The following GLDC variants were observed in gnomAD, a reference collection of about 807,000 sequenced individuals.
The protein encoded by GLDC is glycine decarboxylase, also known as glycine dehydrogenase (decarboxylating), mitochondrial.
In GLDC, 104 loss-of-function variants were observed where a neutral mutation model predicts 121.3. The ratio of observed to expected loss-of-function variants is 0.86; its 90% CI spans 0.73 to 1.01. GLDC has a LOEUF of 1.01. Among genes scored for constraint, GLDC ranks in the 50% least tolerant of loss-of-function variants. The pLI is 0.00. For synonymous variants in GLDC, 546 were observed against 480.6 expected, an observed-to-expected ratio of 1.14 and a Z score of -1.78; for missense variants, 1,429 against 1,306.6, an observed-to-expected ratio of 1.09 and a Z score of -1.44.
At chr9:6,556,869 G>T (rs748586251) in intron 17 of GLDC, among the ~76,000 whole-genome samples, 2 of 152,024 alleles carry the variant, frequency 1.3e-5, no homozygotes, top group African/African-American at 4.8e-5. Context: ...CAGACCAAAA[G>T]GACTATTCAC....
chr9:6,565,818 T>C (rs1290612018), intron 15 of GLDC: 1 of 437,540 alleles, frequency 2.3e-6, no homozygotes. Flanking sequence ...TTACGGTCAA[T>C]CTTGTTTCCT....
chr9:6,558,161 T>C, intron 17 of GLDC: 1 of 335,756 alleles, frequency 3.0e-6, no homozygotes. Flanking sequence ...GAATTCAGCA[T>C]GATGGGGCTG....
At position 6,586,343 on chromosome 9, in the gene GLDC, AC is replaced by A. The variant is rs1035438246; in HGVS notation, c.1850+797del. On this transcript the variant is annotated intron_variant, in intron 15 of 24. Transcript: ENST00000321612. Reference sequence around the variant, plus strand: ...AATAAAAATAAAGAGTCTTAGTCTCACCCCCTGGAGGTTATGATCAGTGCGT... The same window carrying A: ...AATAAAAATAAAGAGTCTTAGTCTCACCCCTGGAGGTTATGATCAGTGCGT... Among the ~76,000 whole-genome samples, 10 of 152,248 alleles carry A rather than the reference AC, an allele frequency of 6.6e-5. No homozygotes were observed. The South Asian group carries it at 1.5e-3, about 22-fold the overall frequency.
chr9:6,632,341 GAA>G (rs1156331662), intron 2 of GLDC, among the ~76,000 whole-genome samples: 1 of 152,194 alleles, frequency 6.6e-6, no homozygotes, highest in Non-Finnish European at 1.5e-5. Context: ...CAGCTATTAA[GAA>G]AGTTGTATAA....
intron 2 of GLDC, among the ~76,000 whole-genome samples, chr9:6,623,828 T>C (rs1476165516): frequency 6.6e-6 from 1 of 152,154 alleles, no homozygotes; most frequent in Admixed American, 6.5e-5. Flanking sequence ...GGAACAATCA[T>C]GCAAAAAGTC....
rs564908367 is a variant in GLDC, at chr9:6,539,922, G to T, written c.2665+129C>A. 69 of 739,072 alleles carry T rather than the reference G, an allele frequency of 9.3e-5. No homozygotes were observed. In the African/African-American group the frequency reaches 1.0e-3, roughly 11 times the overall value. 45.8% of individuals were successfully genotyped at this position (739,072 alleles called of 1,614,324 possible). The stretch of plus-strand genomic sequence containing the variant: ...TTTTTTCTCTATTATTTTGGAGGTT[G>T]CCAAGAACCCTGAGCTCCCCATTTA... On this transcript the variant is annotated intron_variant, in intron 22 of 24. Transcript: ENST00000321612.
intron 2 of GLDC, among the ~76,000 whole-genome samples, chr9:6,635,332 C>G (rs562821904): frequency 6.6e-6 from 1 of 152,198 alleles, no homozygotes; most frequent in Admixed American, 6.5e-5. Context: ...CCTTAATAAC[C>G]CACTGATAAC....
intron 2 of GLDC, among the ~76,000 whole-genome samples, chr9:6,634,360 C>T (rs1203983749): frequency 6.6e-6 from 1 of 152,026 alleles, no homozygotes; most frequent in African/African-American, 2.4e-5. Context: ...GAAACTCCAT[C>T]TCTACAAAAA....
In GLDC at chr9:6,580,325, T is replaced by C. The variant is rs769086173; in HGVS notation, c.1850+6816A>G. The stretch of plus-strand genomic sequence containing the variant: ...GTTACCTTATAACAGAGTCCACAGT[T>C]GCAAGTCATGTAGTCTGGGAATGTG... On this transcript the variant is annotated intron_variant, in intron 15 of 24. Coordinates refer to ENST00000321612, the MANE Select transcript of GLDC (RefSeq NM_000170.3). 1.1e-3 allele frequency among the ~76,000 whole-genome samples: 160 copies of C among 152,274 alleles called. 15 individuals carry two copies. The highest frequency in any genetic ancestry group is 2.1e-4 in the Non-Finnish European group (14 of 68,022).
intron 18 of GLDC, among the ~76,000 whole-genome samples, chr9:6,555,396 T>C (rs1056058427): frequency 6.6e-6 from 1 of 152,114 alleles, no homozygotes; most frequent in Non-Finnish European, 1.5e-5. Flanking sequence ...AATTCATTTA[T>C]GCTACAGAAC....
At position 6,534,320 on chromosome 9, in the gene GLDC, T is replaced by G. The variant is rs575159288; in HGVS notation, c.2919+388A>C. On this transcript the variant is annotated intron_variant, in intron 24 of 24. Transcript: ENST00000321612. ...ATCCATAAACAGCACATAGCATAAT[T>G]TGGCACATTTTTAGCCTTCTCCCTA... is the stretch of plus-strand genomic sequence containing the variant. 5 of 278,712 alleles carry G rather than the reference T, an allele frequency of 1.8e-5. No individual in the cohort carries two copies. The South Asian group carries it at 2.2e-4, about 12-fold the overall frequency. 17.3% of individuals were successfully genotyped at this position (278,712 alleles called of 1,614,324 possible).
intron 4 of GLDC, among the ~76,000 whole-genome samples, chr9:6,608,756 A>T (rs1818790349): frequency 6.6e-6 from 1 of 151,782 alleles, no homozygotes. Flanking sequence ...AAATAAATAA[A>T]TAAATTAATA....
chr9:6,558,590 C>CCAT lies in GLDC; in HGVS notation c.2018_2020dup (p.Tyr673_Gly674insAsp), dbSNP rs1817683581. On this transcript the variant is annotated inframe_insertion, in exon 17 of 25. Coordinates refer to ENST00000321612, the MANE Select transcript of GLDC (RefSeq NM_000170.3). ...CTTGAGGTGAACTGCATCGATATTCCCATATTTATCCACCTCCACAGGCTG... is the reference window on the plus strand; with the variant it reads ...CTTGAGGTGAACTGCATCGATATTCCCATCATATTTATCCACCTCCACAGGCTG... 1.2e-6 allele frequency: 2 copies of CCAT among 1,614,040 alleles called. No homozygotes were observed. Among genetic ancestry groups the CCAT allele is most frequent in the Non-Finnish European group, 8.5e-7 (1 of 1,180,024 alleles).
At chr9:6,615,448 C>T (rs563619506) in intron 3 of GLDC, among the ~76,000 whole-genome samples, 2 of 151,408 alleles carry the variant, frequency 1.3e-5, no homozygotes, top group African/African-American at 2.4e-5. Flanking sequence ...ATTAGCCTGG[C>T]GAGGGGCCTG....
At chr9:6,632,497 AC>A (rs1283497337) in intron 2 of GLDC, among the ~76,000 whole-genome samples, 10 of 152,368 alleles carry the variant, frequency 6.6e-5, no homozygotes, top group African/African-American at 2.2e-4. Context: ...CTCTGGACTT[AC>A]AAAAAGTAAA....
intron 2 of GLDC, among the ~76,000 whole-genome samples, chr9:6,621,729 G>A (rs961415646): frequency 6.6e-6 from 1 of 152,200 alleles, no homozygotes; most frequent in Non-Finnish European, 1.5e-5. Context: ...TATTGGCTAG[G>A]CTGGTCTCGA....
intron 2 of GLDC, among the ~76,000 whole-genome samples, chr9:6,632,984 T>A (rs1178390925): frequency 1.3e-5 from 2 of 151,880 alleles, no homozygotes; most frequent in African/African-American, 2.4e-5. Context: ...AGACCCTCCC[T>A]GCAGACCGAT....
chr9:6,644,029 C>CAAAAAAAAAAA (rs531081758), intron 2 of GLDC, among the ~76,000 whole-genome samples: 202 of 18,306 alleles, frequency 0.011, 25 homozygotes, highest in Middle Eastern at 0.033. Flanking sequence ...GATTCTGTCT[C>CAAAAAAAAAAA]AAAAAAAAAA....
intron 15 of GLDC, among the ~76,000 whole-genome samples, chr9:6,585,864 G>GTATC (rs1252764646): frequency 1.1e-4 from 13 of 114,748 alleles, no homozygotes; most frequent in African/African-American, 3.6e-4. Flanking sequence ...ATGTATGTAT[G>GTATC]TATGTATCTA....
Sources: allele counts gnomAD v4.1 joint callset (sites outside exome capture counted in the v4.1 genomes callset), GRCh38; gene constraint gnomAD v4.1.1; transcripts MANE v1.5; gene names NCBI Gene and HGNC (gene_info 2026-07-23, HGNC 2026-07-21).